Variants in RECK observed in about 807,000 individuals in gnomAD.
RECK encodes the protein reversion inducing cysteine rich protein with kazal motifs.
In RECK, 69 loss-of-function variants were observed where a neutral mutation model predicts 115.1. The ratio of observed to expected loss-of-function variants is 0.60; its 90% confidence interval spans 0.49 to 0.73. The LOEUF (loss-of-function observed/expected upper bound fraction) is 0.73, where lower values mean the gene tolerates loss of function less well. RECK is among the 30% of genes least tolerant of loss of function. The pLI, the probability that RECK is intolerant of heterozygous loss-of-function variation, is 0.00. For synonymous variants in RECK, 414 were observed against 419.7 expected (o/e 0.99, Z 0.17); for missense variants, 1,047 against 1,203.7 (o/e 0.87, Z 1.93).
rs748537056 is a variant in RECK, at chr9:36,108,044, G to T, written c.1645G>T (p.Ala549Ser). 3.7e-6 allele frequency: 6 copies of T among 1,614,052 alleles called. No individual in the cohort carries two copies. Among genetic ancestry groups the T allele is most frequent in the Middle Eastern group, 1.7e-4 (1 of 6,060 alleles). Residue 549 changes from alanine (A) to serine (S), a missense_variant, in exon 14 of 21, where the codon GCA (alanine) becomes TCA (serine). Ala to Ser is a moderately conservative substitution (Grantham distance 99). Transcript: ENST00000377966. ...GACACTAATCCAGGTGCCATCATCT[G>T]CAGGGGAAGTTGGTTGTTATAAAAT... Reference protein sequence around the residue: ...QGTLIQVPSSAGEVGCYKICS... With the variant: ...QGTLIQVPSSSGEVGCYKICS...
chr9:36,091,655 TG>T (rs1823158678), intron 10 of RECK, among the ~76,000 whole-genome samples: 1 of 152,236 alleles, frequency 6.6e-6, no homozygotes, highest in Non-Finnish European at 1.5e-5. Flanking sequence ...GTGAACTATT[TG>T]GTCATCCAAA....
chr9:36,038,662 C>T (rs1249697256), intron 1 of RECK, among the ~76,000 whole-genome samples: 2 of 152,048 alleles, frequency 1.3e-5, no homozygotes, highest in African/African-American at 2.4e-5. Flanking sequence ...AATACATGTC[C>T]AGCATTTAGC....
intron 1 of RECK, among the ~76,000 whole-genome samples, chr9:36,039,196 G>A (rs941369612): frequency 2.0e-5 from 3 of 152,066 alleles, no homozygotes; most frequent in Admixed American, 6.6e-5. Flanking sequence ...TGATCTAAAA[G>A]TGAGACATGT....
intron 10 of RECK, 78 bp from the exon 11 acceptor site, chr9:36,100,253 G>A: frequency 1.7e-6 from 2 of 1,168,262 alleles, no homozygotes; most frequent in Non-Finnish European, 2.5e-6. Flanking sequence ...TGATGCATTA[G>A]TATGTCAGGA....
In RECK at chr9:36,036,962, C is replaced by T; in HGVS notation, c.-37C>T. 1 of 1,356,894 alleles carries T rather than the reference C, an allele frequency of 7.4e-7. No homozygotes were observed. The highest frequency in any genetic ancestry group is 9.6e-7 in the Non-Finnish European group (1 of 1,042,230). The allele number at this position is 1,356,894 out of a possible 1,614,324, so 84.1% of individuals were successfully genotyped here. A position where few individuals can be genotyped will look rare whatever the true frequency, so the allele number is the denominator to read the frequency against. ...GCAGCGGCTGCGGCCAAGCTGGGTC[C>T]GAGCATCCCGCGGCTCTGGAGCCGC... is the stretch of plus-strand genomic sequence containing the variant. On this transcript the variant is annotated 5_prime_UTR_variant, in exon 1 of 21. Transcript: ENST00000377966.
At chr9:36,101,229 G>C (rs1350280530) in intron 11 of RECK, among the ~76,000 whole-genome samples, 1 of 152,176 alleles carries the variant, frequency 6.6e-6, no homozygotes, top group African/African-American at 2.4e-5. Context: ...GGGATTACAG[G>C]CCTGAGCCAC....
In RECK at chr9:36,105,367, C is replaced by G. The variant is rs1823760056; in HGVS notation, c.1576+84C>G. The stretch of plus-strand genomic sequence containing the variant: ...GGAGCTATCTTTCTTTTTTTCAATC[C>G]TGCTCCTTCTGTAATATAGGGGTTA... On this transcript the variant is annotated intron_variant, in intron 13 of 20. Coordinates refer to ENST00000377966, the MANE Select transcript of RECK (RefSeq NM_021111.3). 11 of 1,349,698 alleles carry G rather than the reference C, an allele frequency of 8.1e-6. No homozygotes were observed. In the South Asian group the frequency reaches 1.4e-4, roughly 17 times the overall value. 83.6% of individuals were successfully genotyped at this position (1,349,698 alleles called of 1,614,324 possible).
At chr9:36,089,987 C>A (rs1588316145) in intron 9 of RECK, among the ~76,000 whole-genome samples, 1 of 151,606 alleles carries the variant, frequency 6.6e-6, no homozygotes, top group South Asian at 2.1e-4. Flanking sequence ...CACACACACA[C>A]ACACACACAC....
At chr9:36,079,828 A>C (rs1017994417) in intron 6 of RECK, among the ~76,000 whole-genome samples, 4 of 152,140 alleles carry the variant, frequency 2.6e-5, no homozygotes, top group African/African-American at 7.2e-5. Flanking sequence ...GCTTTGTATA[A>C]GTTTTTCATT....
Position 36,109,993 on chromosome 9 carries a change from G to T in RECK, c.1802G>T (p.Cys601Phe). 6.2e-7 allele frequency: 1 copy of T among 1,613,734 alleles called. No individual in the cohort carries two copies. The highest frequency in any genetic ancestry group is 8.5e-7 in the Non-Finnish European group (1 of 1,179,658). Reference protein sequence around the residue: ...GTSFSIDCNVCSCFAGNLVCS... With the variant: ...GTSFSIDCNVFSCFAGNLVCS... ...TCCTTTAGTATTGACTGCAATGTCT[G>T]TTCTTGTTTTGCTGGCAATTTGGTG... The change falls in exon 15 of 21, where the codon TGT becomes TTT. Residue 601 changes from cysteine to phenylalanine, a missense_variant. By Grantham distance (205) the Cys-to-Phe change is radical (BLOSUM62 -2). Coordinates refer to ENST00000377966, the MANE Select transcript of RECK (RefSeq NM_021111.3).
At chr9:36,049,580 A>G (rs900262767) in intron 1 of RECK, among the ~76,000 whole-genome samples, 1 of 152,238 alleles carries the variant, frequency 6.6e-6, no homozygotes, top group Admixed American at 6.5e-5. Context: ...CCTGGGCCAC[A>G]TGCAGCCCAT....
At chr9:36,099,192 C>G (rs949727255) in intron 10 of RECK, among the ~76,000 whole-genome samples, 1 of 151,942 alleles carries the variant, frequency 6.6e-6, no homozygotes, top group African/African-American at 2.4e-5. Flanking sequence ...TGCCACTGCA[C>G]TCCAGCCTGG....
Position 36,091,891 on chromosome 9 carries a change from C to T in RECK, c.1085+548C>T, listed in dbSNP as rs191931224. Among the ~76,000 whole-genome samples, 6 of 152,078 alleles carry T rather than the reference C, an allele frequency of 3.9e-5. No homozygotes were observed. The East Asian group carries it at 5.8e-4, about 15-fold the overall frequency. On this transcript the variant is annotated intron_variant, in intron 10 of 20. Transcript: ENST00000377966. ...AACCAAAGAAAACAGAAGAGGGCAC[C>T]GGAAGCACGAAATGAGAGAACTCCA...
chr9:36,042,082 G>A (rs1213099304), intron 1 of RECK, among the ~76,000 whole-genome samples: 2 of 149,214 alleles, frequency 1.3e-5, no homozygotes, highest in Non-Finnish European at 3.0e-5. Context: ...TTTTTTAGTA[G>A]GTTTTAGGGG....
At chr9:36,110,289 G>C (rs1408194056) in intron 15 of RECK, among the ~76,000 whole-genome samples, 1 of 152,166 alleles carries the variant, frequency 6.6e-6, no homozygotes, top group East Asian at 1.9e-4. Context: ...AGGGCCCTTA[G>C]CACTAATATT....
intron 13 of RECK, among the ~76,000 whole-genome samples, chr9:36,106,872 AG>A (rs1384260749): frequency 6.6e-6 from 1 of 151,900 alleles, no homozygotes; most frequent in Non-Finnish European, 1.5e-5. Context: ...TGGGAGGCTG[AG>A]ACAGGCAGAT....
At chr9:36,093,565 G>A (rs1195415746) in intron 10 of RECK, among the ~76,000 whole-genome samples, 1 of 152,102 alleles carries the variant, frequency 6.6e-6, no homozygotes, top group East Asian at 1.9e-4. Context: ...GAAGAAAAAG[G>A]TCAGTGACCT....
chr9:36,068,907 A>G (rs28431890), intron 6 of RECK, among the ~76,000 whole-genome samples: 1 of 152,124 alleles, frequency 6.6e-6, no homozygotes, highest in Non-Finnish European at 1.5e-5. Flanking sequence ...ATTTGTATCA[A>G]GTGAGTGTTT....
chr9:36,059,405 G>A (rs914401488), intron 3 of RECK, among the ~76,000 whole-genome samples: 3 of 150,200 alleles, frequency 2.0e-5, no homozygotes, highest in African/African-American at 7.4e-5. Flanking sequence ...GCAGTGAGCT[G>A]AGATAGCATC....
Sources: gnomAD v4.1 joint callset for allele counts (sites outside exome capture counted in the v4.1 genomes callset) on GRCh38, gnomAD v4.1.1 for gene constraint, MANE v1.5 for transcripts, NCBI Gene and HGNC (gene_info 2026-07-23, HGNC 2026-07-21) for gene names.